ST6GALNAC3: variants seen among roughly 807,000 people sequenced by gnomAD.
ST6GALNAC3 encodes the protein ST6 N-acetylgalactosaminide alpha-2,6-sialyltransferase 3, also known as alpha-N-acetylgalactosaminide alpha-2,6-sialyltransferase 3.
A neutral mutation model predicts 32.7 loss-of-function variants in ST6GALNAC3; 25 were observed. That is an observed-to-expected ratio of 0.76 (90% confidence interval 0.56 to 1.07). The LOEUF is 1.07. Among genes scored for constraint, ST6GALNAC3 ranks in the 50% least tolerant of loss-of-function variants. The probability of loss-of-function intolerance (pLI) is 0.00; values close to 1 mark genes in which losing one functional copy is unlikely to be tolerated. For synonymous variants in ST6GALNAC3, 129 were observed against 133.1 expected (o/e 0.97, Z 0.21); for missense variants, 355 against 382.4 (o/e 0.93, Z 0.60).
intron 3 of ST6GALNAC3, among the ~76,000 whole-genome samples, chr1:76,482,856 C>G (rs943895958): frequency 4.1e-4 from 62 of 150,956 alleles, no homozygotes; most frequent in African/African-American, 1.5e-3. Context: ...GTTATATCTC[C>G]TAATGCTATC....
At chr1:76,109,652 T>C (rs1334934107) in intron 1 of ST6GALNAC3, among the ~76,000 whole-genome samples, 2 of 152,108 alleles carry the variant, frequency 1.3e-5, no homozygotes, top group African/African-American at 4.8e-5. Flanking sequence ...GAGCAGAGAG[T>C]GGCAAAGGCT....
rs145006840 is a variant in ST6GALNAC3 at position 76,110,001 on chromosome 1, G to T, written c.18+35117G>T. Among the ~76,000 whole-genome samples the T allele has an allele frequency of 1.3e-3, 197 of 152,288 alleles. 2 individuals carry two copies. The highest frequency in any genetic ancestry group is 4.4e-3 in the African/African-American group (185 of 41,574). On this transcript the variant is annotated intron_variant, in intron 1 of 4. Coordinates refer to ENST00000328299, the MANE Select transcript of ST6GALNAC3 (RefSeq NM_152996.4). The stretch of plus-strand genomic sequence containing the variant: ...AAGATTATAAGAAAGCCTTTGAGAG[G>T]ATCAGGCAGTGAGCTGAGAATTATC...
At chr1:76,328,884 G>A (rs1163043012) in intron 2 of ST6GALNAC3, among the ~76,000 whole-genome samples, 2 of 152,078 alleles carry the variant, frequency 1.3e-5, no homozygotes, top group African/African-American at 4.8e-5. Context: ...ATATCCCTGG[G>A]AGCCACATGA....
intron 1 of ST6GALNAC3, among the ~76,000 whole-genome samples, chr1:76,087,367 T>G (rs2100738109): frequency 6.6e-6 from 1 of 152,328 alleles, no homozygotes; most frequent in East Asian, 1.9e-4. Context: ...TTTTCCCCAC[T>G]TATCTTCAGC....
chr1:76,156,398 T>G (rs1651426287), intron 1 of ST6GALNAC3, among the ~76,000 whole-genome samples: 2 of 152,288 alleles, frequency 1.3e-5, no homozygotes, highest in African/African-American at 2.4e-5. Context: ...CCTATAAACA[T>G]TTTTGAAATT....
At chr1:76,373,279 C>T (rs758138123) in intron 2 of ST6GALNAC3, among the ~76,000 whole-genome samples, 2 of 152,154 alleles carry the variant, frequency 1.3e-5, no homozygotes, top group South Asian at 2.1e-4. Flanking sequence ...TGGGGCATGT[C>T]GCTTGACCTT....
downstream of ST6GALNAC3, among the ~76,000 whole-genome samples, chr1:76,635,910 AT>A (rs1234497555): frequency 6.6e-6 from 1 of 152,164 alleles, no homozygotes; most frequent in African/African-American, 2.4e-5. Context: ...GGTATGGGCA[AT>A]GCTGTCTAAA....
chr1:76,446,764 T>C (rs1657002158), intron 3 of ST6GALNAC3, among the ~76,000 whole-genome samples: 1 of 152,204 alleles, frequency 6.6e-6, no homozygotes, highest in Non-Finnish European at 1.5e-5. Flanking sequence ...CCCAAGCTTT[T>C]TCTTTGCCTG....
At chr1:76,588,056 T>C (rs533194345) in intron 3 of ST6GALNAC3, among the ~76,000 whole-genome samples, 18 of 152,304 alleles carry the variant, frequency 1.2e-4, no homozygotes, top group African/African-American at 4.1e-4. Flanking sequence ...TTTCCATTTT[T>C]ACCGGCAGCC....
chr1:76,373,381 T>C (rs561810407), intron 2 of ST6GALNAC3, among the ~76,000 whole-genome samples: 90 of 152,342 alleles, frequency 5.9e-4, no homozygotes, highest in Non-Finnish European at 9.1e-4. Context: ...GTAAGGCACA[T>C]GCACATAGCC....
chr1:76,097,213 C>T (rs1323366537), intron 1 of ST6GALNAC3, among the ~76,000 whole-genome samples: 1 of 152,192 alleles, frequency 6.6e-6, no homozygotes, highest in African/African-American at 2.4e-5. Flanking sequence ...ACCACTGCGC[C>T]CAGCCAGAGC....
chr1:76,175,961 T>C (rs1652823889), intron 1 of ST6GALNAC3, among the ~76,000 whole-genome samples: 1 of 152,238 alleles, frequency 6.6e-6, no homozygotes, highest in South Asian at 2.1e-4. Flanking sequence ...TTTATTTTTC[T>C]AAATTAAACA....
At chr1:76,119,452 G>C (rs971696889) in intron 1 of ST6GALNAC3, among the ~76,000 whole-genome samples, 3 of 152,206 alleles carry the variant, frequency 2.0e-5, no homozygotes, top group Non-Finnish European at 2.9e-5. Context: ...TAAGAGAGCT[G>C]TGGCCAAACC....
rs993933928 is a variant in ST6GALNAC3 at position 76,634,483 on chromosome 1, C to T, written c.*5677C>T. 1 of 151,978 alleles carries T rather than the reference C, an allele frequency of 6.6e-6. No homozygotes were observed. Among genetic ancestry groups the T allele is most frequent in the South Asian group, 2.1e-4 (1 of 4,824 alleles). The allele number at this position is 151,978 out of a possible 1,614,324, so 9.4% of individuals were successfully genotyped here. A position where few individuals can be genotyped will look rare whatever the true frequency, so the allele number is the denominator to read the frequency against. On this transcript the variant is annotated 3_prime_UTR_variant, in exon 5 of 5. Coordinates refer to ENST00000328299, the MANE Select transcript of ST6GALNAC3 (RefSeq NM_152996.4). ...CATTCATTTTAAAACCCATAATCTT[C>T]ATCTATTTTTAGAAGAAAGTGTAAA...
chr1:76,380,529 T>C (rs1651620641), intron 2 of ST6GALNAC3, among the ~76,000 whole-genome samples: 1 of 152,214 alleles, frequency 6.6e-6, no homozygotes, highest in Admixed American at 6.5e-5. Flanking sequence ...ATAGCAGCTT[T>C]ATTCACAATA....
chr1:76,573,251 C>A (rs1379064293), intron 3 of ST6GALNAC3, among the ~76,000 whole-genome samples: 1 of 152,112 alleles, frequency 6.6e-6, no homozygotes, highest in East Asian at 1.9e-4. Flanking sequence ...CCTTTCCGGT[C>A]CTCTTACAAG....
At chr1:76,416,127 A>C (rs1048389056) in intron 3 of ST6GALNAC3, among the ~76,000 whole-genome samples, 2 of 151,986 alleles carry the variant, frequency 1.3e-5, no homozygotes, top group African/African-American at 4.8e-5. Flanking sequence ...TATGGTAAAC[A>C]CTTTAAGGAT....
At chr1:76,227,068 A>G (rs1323837669) in intron 1 of ST6GALNAC3, among the ~76,000 whole-genome samples, 2 of 152,216 alleles carry the variant, frequency 1.3e-5, no homozygotes, top group Non-Finnish European at 2.9e-5. Flanking sequence ...TTGAGTTCCT[A>G]GTGTAAATCA....
chr1:76,434,008 G>T (rs1372741672), intron 3 of ST6GALNAC3, among the ~76,000 whole-genome samples: 1 of 151,842 alleles, frequency 6.6e-6, no homozygotes, highest in Non-Finnish European at 1.5e-5. Context: ...ACTGATTACT[G>T]CATGCTCATT....
Sources: gnomAD v4.1 joint callset for allele counts (sites outside exome capture counted in the v4.1 genomes callset) on GRCh38, gnomAD v4.1.1 for gene constraint, MANE v1.5 for transcripts, NCBI Gene and HGNC (gene_info 2026-07-23, HGNC 2026-07-21) for gene names.